The following PLAAT1 variants were observed in gnomAD, a reference collection of about 807,000 sequenced individuals.
The protein encoded by PLAAT1 is phospholipase A and acyltransferase 1, also known as H-REV107 protein-related protein.
In PLAAT1, 13 loss-of-function variants were observed where a neutral mutation model predicts 16.4. That is an observed-to-expected ratio of 0.79 (90% confidence interval 0.52 to 1.26). PLAAT1 has a LOEUF of 1.26. PLAAT1 is among the 50% of genes most tolerant of loss of function. The probability of loss-of-function intolerance (pLI) is 0.00; values close to 1 mark genes in which losing one functional copy is unlikely to be tolerated. For missense variants in PLAAT1, 218 were observed against 207.8 expected (o/e 1.05, Z -0.30); for synonymous variants, 73 against 78.4 (o/e 0.93, Z 0.36).
chr3:193,276,429 AG>A (rs1717204092), intron 2 of PLAAT1, among the ~76,000 whole-genome samples: 1 of 152,236 alleles, frequency 6.6e-6, no homozygotes, highest in Non-Finnish European at 1.5e-5. Context: ...TAGGGTTGGA[AG>A]GTCACCTGGT....
At chr3:193,256,502 A>C (rs1716379081) in intron 2 of PLAAT1, among the ~76,000 whole-genome samples, 1 of 152,222 alleles carries the variant, frequency 6.6e-6, no homozygotes, top group South Asian at 2.1e-4. Context: ...AGAATTAGGA[A>C]CAGTTTGTAA....
At chr3:193,247,997 A>G (rs1345965871) in intron 1 of PLAAT1, among the ~76,000 whole-genome samples, 1 of 152,202 alleles carries the variant, frequency 6.6e-6, no homozygotes, top group Non-Finnish European at 1.5e-5. Flanking sequence ...TTTTTGGTCT[A>G]GATCTGTCCA....
chr3:193,248,684 A>G (rs1199521155), intron 1 of PLAAT1, among the ~76,000 whole-genome samples: 1 of 152,106 alleles, frequency 6.6e-6, no homozygotes, highest in Non-Finnish European at 1.5e-5. Context: ...TCACTTGTAC[A>G]AACTCTAAAC....
At chr3:193,262,475 C>A (rs1716620749) in intron 2 of PLAAT1, among the ~76,000 whole-genome samples, 1 of 151,664 alleles carries the variant, frequency 6.6e-6, no homozygotes, top group Non-Finnish European at 1.5e-5. Flanking sequence ...CAAATTGATG[C>A]CTAGTTGAAA....
At chr3:193,262,015 A>G (rs919632001) in intron 2 of PLAAT1, among the ~76,000 whole-genome samples, 1 of 152,310 alleles carries the variant, frequency 6.6e-6, no homozygotes, top group Non-Finnish European at 1.5e-5. Context: ...TAAAAGAGAA[A>G]GTTTCTAAAC....
At chr3:193,277,255 A>G (rs2108812304) in intron 2 of PLAAT1, among the ~76,000 whole-genome samples, 1 of 152,346 alleles carries the variant, frequency 6.6e-6, no homozygotes, top group South Asian at 2.1e-4. Context: ...AGGACAGAGA[A>G]ATGTAAGTAT....
chr3:193,275,390 C>G, downstream of PLAAT1: 1 of 1,472,212 alleles, frequency 6.8e-7, no homozygotes, highest in Non-Finnish European at 9.2e-7. Flanking sequence ...CTCCTTTCCC[C>G]AGGCCTTCCT....
intron 1 of PLAAT1, among the ~76,000 whole-genome samples, chr3:193,246,192 G>A (rs1410213451): frequency 2.6e-5 from 4 of 152,102 alleles, no homozygotes; most frequent in Admixed American, 6.5e-5. Flanking sequence ...CTGTGGGCTT[G>A]TCATATATGG....
chr3:193,244,385 ACT>A (rs1214464378), intron 1 of PLAAT1, among the ~76,000 whole-genome samples: 2 of 150,610 alleles, frequency 1.3e-5, no homozygotes, highest in Non-Finnish European at 3.0e-5. Context: ...GACAATGATG[ACT>A]CTGCATCATT....
At chr3:193,274,930 A>G, downstream of PLAAT1, 1 of 1,424,458 alleles carries the variant, frequency 7.0e-7, no homozygotes, top group South Asian at 1.4e-5. Flanking sequence ...ATATACTTTG[A>G]ATGCTTGAAT....
chr3:193,276,936 G>C (rs1717244934), intron 2 of PLAAT1: 3 of 827,926 alleles, frequency 3.6e-6, no homozygotes, highest in African/African-American at 1.7e-5. Context: ...TCTGAGCTTA[G>C]TGGTGGGCAT....
chr3:193,263,277 T>A (rs1360491393), intron 3 of PLAAT1, 42 bp downstream of exon 3: 1 of 1,583,006 alleles, frequency 6.3e-7, no homozygotes, highest in Admixed American at 1.7e-5. Context: ...GAGAAAAGAA[T>A]AACTATTGGC....
intron 2 of PLAAT1, among the ~76,000 whole-genome samples, chr3:193,257,405 C>G (rs1461997293): frequency 1.1e-4 from 16 of 152,126 alleles, no homozygotes; most frequent in Admixed American, 1.0e-3. Flanking sequence ...TGTTTTATTG[C>G]AGGGAAGATG....
rs566671692 is a variant in PLAAT1 at position 193,253,287 on chromosome 3, ATTAAC to A, written c.1-2358_1-2354del. Among the ~76,000 whole-genome samples, 337 of 152,308 alleles carry A rather than the reference ATTAAC, an allele frequency of 2.2e-3. 1 individual carries two copies. Among genetic ancestry groups the A allele is most frequent in the African/African-American group, 7.0e-3 (290 of 41,578 alleles). The stretch of plus-strand genomic sequence containing the variant: ...AAATATGATAGACTTTATGAAATCA[ATTAAC>A]TTAACAGTTTATGAATCAATTTATA... On this transcript the variant is annotated intron_variant, in intron 1 of 3. Transcript: ENST00000264735.
intron 2 of PLAAT1, chr3:193,276,634 C>A: frequency 2.9e-6 from 2 of 696,578 alleles, no homozygotes; most frequent in Non-Finnish European, 2.4e-6. Context: ...TTTAATAAAC[C>A]CTTAATAACT....
intron 1 of PLAAT1, among the ~76,000 whole-genome samples, chr3:193,247,676 A>T (rs1716030950): frequency 6.6e-6 from 1 of 151,952 alleles, no homozygotes; most frequent in Non-Finnish European, 1.5e-5. Context: ...TTTCCTTTTA[A>T]TTTTTTATTT....
chr3:193,261,071 A>G (rs776743722), intron 2 of PLAAT1, among the ~76,000 whole-genome samples: 2 of 152,230 alleles, frequency 1.3e-5, no homozygotes, highest in Non-Finnish European at 2.9e-5. Flanking sequence ...TAATTTATTA[A>G]CAAAAAGTGT....
chr3:193,277,742 CT>C (rs1717289596), downstream of PLAAT1: 1 of 152,218 alleles, frequency 6.6e-6, no homozygotes, highest in East Asian at 1.9e-4. Context: ...GAGAACCTGG[CT>C]CTTTTTCTCA....
chr3:193,279,042 TA>T (rs1717358594), downstream of PLAAT1, among the ~76,000 whole-genome samples: 1 of 152,232 alleles, frequency 6.6e-6, no homozygotes, highest in Non-Finnish European at 1.5e-5. Context: ...TGATATGGTT[TA>T]TTTTTTTGAA....
Sources: allele counts gnomAD v4.1 joint callset (sites outside exome capture counted in the v4.1 genomes callset), GRCh38; gene constraint gnomAD v4.1.1; transcripts MANE v1.5; gene names NCBI Gene and HGNC (gene_info 2026-07-23, HGNC 2026-07-21).